FBXO3: variants seen among roughly 807,000 people sequenced by gnomAD.
The protein encoded by FBXO3 is F-box protein 3.
In FBXO3, 17 loss-of-function variants were observed where a neutral mutation model predicts 64.8. That is an observed-to-expected ratio of 0.26 (90% CI 0.18 to 0.39). The LOEUF (loss-of-function observed/expected upper bound fraction) is 0.39, where lower values mean the gene tolerates loss of function less well. Among genes scored for constraint, FBXO3 ranks in the 10% least tolerant of loss-of-function variants. The pLI is 1.00. For missense variants in FBXO3, 420 were observed against 589.9 expected, an observed-to-expected ratio of 0.71 and a Z score of 2.98; for synonymous variants, 182 against 201.6, an observed-to-expected ratio of 0.90 and a Z score of 0.82.
At chr11:33,759,633 C>T (rs1855193429) in intron 3 of FBXO3, among the ~76,000 whole-genome samples, 1 of 152,138 alleles carries the variant, frequency 6.6e-6, no homozygotes. Context: ...AAGAAAATAA[C>T]ATTACCCCAA....
At chr11:33,750,879 T>A (rs1325506897) in intron 7 of FBXO3, among the ~76,000 whole-genome samples, 1 of 152,172 alleles carries the variant, frequency 6.6e-6, no homozygotes. Flanking sequence ...CAATCAAGGT[T>A]CAATGATCAG....
Position 33,760,427 on chromosome 11 carries a change from G to C in FBXO3, c.359-1826C>G, listed in dbSNP as rs547051145. ...GGAGGCTGAGGTGGGAGGGTGGCTT[G>C]AGGCCAGGAGTTCGAGACCAGCCTG... On this transcript the variant is annotated intron_variant, in intron 3 of 10. Coordinates refer to ENST00000265651, the MANE Select transcript of FBXO3 (RefSeq NM_012175.4). 7.2e-5 allele frequency among the ~76,000 whole-genome samples: 11 copies of C among 152,188 alleles called. No homozygotes were observed. In the East Asian group the frequency reaches 1.9e-3, roughly 27 times the overall value.
chr11:33,752,420 T>C (rs1266344953), intron 6 of FBXO3, among the ~76,000 whole-genome samples: 1 of 152,216 alleles, frequency 6.6e-6, no homozygotes, highest in Admixed American at 6.5e-5. Context: ...AATGAATTTC[T>C]TTGTAATCTG....
chr11:33,753,304 C>T (rs1313886124), intron 6 of FBXO3: 2 of 152,206 alleles, frequency 1.3e-5, no homozygotes, highest in Admixed American at 6.5e-5. Context: ...AGTATTATTA[C>T]ACCTTAGTAC....
At position 33,768,960 on chromosome 11, in the gene FBXO3, G is replaced by A. The variant is rs750680324; in HGVS notation, c.249C>T (p.Tyr83=). The A allele has an allele frequency of 2.8e-5, 45 of 1,613,566 alleles. No individual in the cohort carries two copies. In the South Asian group the frequency reaches 4.8e-4, roughly 17 times the overall value. The part of the protein sequence containing the change: ...QCWKSLFIDT[Y]SDVGRYIDHY... The stretch of plus-strand genomic sequence containing the variant: ...GGTCAATGTATCTTCCTACATCAGA[G>A]TAAGTATCTATGAAGAGAGATTTCC... Residue 83 remains tyrosine (Y), a synonymous_variant, in exon 3 of 11, where the codon TAC becomes TAT. Transcript: ENST00000265651.
intron 10 of FBXO3, 81 bp from the exon 11 acceptor site, chr11:33,742,165 G>C: frequency 7.5e-7 from 1 of 1,328,434 alleles, no homozygotes; most frequent in Non-Finnish European, 1.0e-6. Context: ...CATTTATCTA[G>C]AATTCAAACA....
At chr11:33,755,567 C>T (rs1002466254) in intron 5 of FBXO3, among the ~76,000 whole-genome samples, 2 of 152,204 alleles carry the variant, frequency 1.3e-5, no homozygotes, top group Admixed American at 1.3e-4. Context: ...TCTGTATATA[C>T]ACCAGTTTTT....
chr11:33,763,799 A>G (rs536762129), intron 3 of FBXO3, among the ~76,000 whole-genome samples: 118 of 152,346 alleles, frequency 7.7e-4, no homozygotes, highest in Non-Finnish European at 1.5e-3. Flanking sequence ...AAAGAAATAC[A>G]TGATATATAA....
At chr11:33,756,827 T>G (rs1243108574) in intron 4 of FBXO3, among the ~76,000 whole-genome samples, 2 of 152,112 alleles carry the variant, frequency 1.3e-5, no homozygotes. Flanking sequence ...ACTCCTGGGC[T>G]CAAGAGATCC....
At chr11:33,764,041 T>G (rs1484555484) in intron 3 of FBXO3, among the ~76,000 whole-genome samples, 1 of 152,126 alleles carries the variant, frequency 6.6e-6, no homozygotes, top group East Asian at 1.9e-4. Context: ...ATTTACCCAG[T>G]AGAAATATAC....
At chr11:33,751,361 G>C (rs1255490505) in intron 7 of FBXO3, among the ~76,000 whole-genome samples, 162 bp downstream of exon 7, 2 of 152,146 alleles carry the variant, frequency 1.3e-5, no homozygotes, top group Non-Finnish European at 2.9e-5. Flanking sequence ...TGGCTTTAAA[G>C]TGAGAATAAA....
intron 3 of FBXO3, among the ~76,000 whole-genome samples, chr11:33,763,482 T>C (rs771462759): frequency 6.6e-5 from 10 of 152,090 alleles, no homozygotes; most frequent in Non-Finnish European, 1.2e-4. Flanking sequence ...TTTCACTGCA[T>C]TAACAGAGTA....
chr11:33,769,087 A>G, intron 2 of FBXO3, 73 bp from the exon 3 acceptor site: 1 of 1,240,084 alleles, frequency 8.1e-7, no homozygotes, highest in Non-Finnish European at 1.1e-6. Context: ...TACCTACAAC[A>G]TATAGAAACT....
At chr11:33,772,389 C>T (rs1855531030) in intron 1 of FBXO3, 1 of 152,190 alleles carries the variant, frequency 6.6e-6, no homozygotes, top group African/African-American at 2.4e-5. Flanking sequence ...CTACCTAAAG[C>T]ATTTAAAGTA....
chr11:33,742,518 A>G (rs1320377123), intron 10 of FBXO3: 1 of 153,186 alleles, frequency 6.5e-6, no homozygotes, highest in African/African-American at 2.4e-5. Flanking sequence ...CTTATTTTTT[A>G]CACAGTAGTT....
intron 1 of FBXO3, 33 bp downstream of exon 1, chr11:33,774,361 C>T (rs770509058): frequency 2.6e-6 from 4 of 1,538,994 alleles, no homozygotes; most frequent in Middle Eastern, 1.8e-4. Flanking sequence ...TCTCCCCATG[C>T]CCCCACCCCT....
At position 33,764,028 on chromosome 11, in the gene FBXO3, G is replaced by A. The variant is rs377720581; in HGVS notation, c.358+4823C>T. On this transcript the variant is annotated intron_variant, in intron 3 of 10. Transcript: ENST00000265651. ...CTATAACCCAGCAAACTCAATGCCA[G>A]ATATTTACCCAGTAGAAATATACTC... Among the ~76,000 whole-genome samples the A allele has an allele frequency of 1.8e-4, 28 of 152,224 alleles. No homozygotes were observed. In the South Asian group the frequency reaches 5.4e-3, roughly 29 times the overall value.
At chr11:33,754,263 T>C in intron 6 of FBXO3, 192 bp downstream of exon 6, 1 of 493,358 alleles carries the variant, frequency 2.0e-6, no homozygotes, top group Non-Finnish European at 3.6e-6. Flanking sequence ...TTTTCAAAAT[T>C]AAAAATATTC....
At chr11:33,766,232 T>C (rs976433083) in intron 3 of FBXO3, among the ~76,000 whole-genome samples, 2 of 152,206 alleles carry the variant, frequency 1.3e-5, no homozygotes, top group Non-Finnish European at 2.9e-5. Context: ...CCAAGAAGCC[T>C]AGATTAGAGT....
Sources: allele counts gnomAD v4.1 joint callset (sites outside exome capture counted in the v4.1 genomes callset), GRCh38; gene constraint gnomAD v4.1.1; transcripts MANE v1.5; gene names NCBI Gene and HGNC (gene_info 2026-07-23, HGNC 2026-07-21).